Variants in CHIA observed in about 807,000 individuals in gnomAD.
CHIA encodes the protein chitinase acidic.
In CHIA, 47 loss-of-function variants were observed where a neutral mutation model predicts 53.5. That is an observed-to-expected ratio of 0.88 (90% CI 0.70 to 1.12). The LOEUF is 1.12. CHIA is among the 50% of genes most tolerant of loss of function. The pLI, the probability that CHIA is intolerant of heterozygous loss-of-function variation, is 0.00. For missense variants in CHIA, 652 were observed against 592.2 expected (o/e 1.10, Z -1.05); for synonymous variants, 268 against 222.2 (o/e 1.21, Z -1.83).
chr1:111,298,622 A>G (rs1647419152), intron 1 of CHIA, among the ~76,000 whole-genome samples: 2 of 152,346 alleles, frequency 1.3e-5, no homozygotes, highest in South Asian at 4.1e-4. Context: ...CTAAATGCCC[A>G]CAAGAGAAAG....
chr1:111,296,468 T>C (rs1466578318), intron 1 of CHIA, among the ~76,000 whole-genome samples: 2 of 152,188 alleles, frequency 1.3e-5, no homozygotes, highest in Non-Finnish European at 2.9e-5. Context: ...CCAACAGACC[T>C]GCAGCTGAGG....
chr1:111,309,717 A>G (rs763115275), intron 1 of CHIA, among the ~76,000 whole-genome samples: 9 of 152,248 alleles, frequency 5.9e-5, no homozygotes, highest in Non-Finnish European at 1.0e-4. Context: ...ATTTAAATAC[A>G]AAGTTCCAGA....
Position 111,319,308 on chromosome 1 carries a change from A to G in CHIA, c.1036-19A>G, listed in dbSNP as rs1030825897. On this transcript the variant is annotated intron_variant, in intron 10 of 11. Coordinates refer to ENST00000369740, the MANE Select transcript of CHIA (RefSeq NM_201653.4). Reference sequence around the variant, plus strand: ...CCCAGGAAAGCAAGTGATTCCTGTTATCCTCTTTCTTTAAACAGGCTCAAT... The same window carrying G: ...CCCAGGAAAGCAAGTGATTCCTGTTGTCCTCTTTCTTTAAACAGGCTCAAT... 20 of 1,614,062 alleles carry G rather than the reference A, an allele frequency of 1.2e-5. No individual in the cohort carries two copies. Among genetic ancestry groups the G allele is most frequent in the Non-Finnish European group, 1.6e-5 (19 of 1,180,018 alleles).
At chr1:111,309,477 T>G (rs1186638627) in intron 1 of CHIA, among the ~76,000 whole-genome samples, 1 of 152,088 alleles carries the variant, frequency 6.6e-6, no homozygotes, top group African/African-American at 2.4e-5. Context: ...GGAGAGAGCA[T>G]TAAGATAGAA....
rs762724976 is a variant in CHIA, at chr1:111,319,481, G to A, written c.1177+13G>A. On this transcript the variant is annotated intron_variant, in intron 11 of 11. Transcript: ENST00000369740. ...CTGCAGAGTGCAAGTAAGTGACTGA[G>A]GGGGAATGCCCAGGTGTATAAATAC... 8 of 1,612,792 alleles carry A rather than the reference G, an allele frequency of 5.0e-6. No individual in the cohort carries two copies. The South Asian group carries it at 7.7e-5, about 16-fold the overall frequency.
intron 2 of CHIA, among the ~76,000 whole-genome samples, chr1:111,310,976 T>G (rs986028584): frequency 2.0e-5 from 3 of 152,230 alleles, no homozygotes; most frequent in Non-Finnish European, 2.9e-5. Context: ...ATTATCCTAC[T>G]GAGTTGATGA....
chr1:111,318,359 A>T, intron 8 of CHIA, 134 bp from the exon 9 acceptor site: 1 of 902,266 alleles, frequency 1.1e-6, no homozygotes, highest in Non-Finnish European at 1.7e-6. Flanking sequence ...ACTTCACCAA[A>T]ATGTTTTGAA....
chr1:111,291,978 C>T (rs1264734511), intron 1 of CHIA, among the ~76,000 whole-genome samples: 4 of 151,858 alleles, frequency 2.6e-5, no homozygotes, highest in Middle Eastern at 3.2e-3. Flanking sequence ...ACATGTATCA[C>T]GGAACTTAAA....
intron 1 of CHIA, among the ~76,000 whole-genome samples, chr1:111,304,299 G>C (rs935023533): frequency 6.6e-6 from 1 of 152,044 alleles, no homozygotes; most frequent in Non-Finnish European, 1.5e-5. Flanking sequence ...GAAGTGTTAG[G>C]CCATTATCTT....
chr1:111,296,135 A>G (rs1211461252), intron 1 of CHIA, among the ~76,000 whole-genome samples: 1 of 152,254 alleles, frequency 6.6e-6, no homozygotes, highest in African/African-American at 2.4e-5. Context: ...GGGGCAGGGC[A>G]TAGCTGAACA....
rs373934707 is a variant in CHIA at position 111,307,661 on chromosome 1, G to A, written c.-68-2739G>A. On this transcript the variant is annotated intron_variant, in intron 1 of 11. Transcript: ENST00000369740. ...TTTACTTTTTTTTTTTTTTTCTTGAGATGGATTCTCGCTGTCGTCACCTGA... is the reference window on the plus strand; with the variant it reads ...TTTACTTTTTTTTTTTTTTTCTTGAAATGGATTCTCGCTGTCGTCACCTGA... 1.1e-3 allele frequency among the ~76,000 whole-genome samples: 157 copies of A among 149,482 alleles called. 4 individuals carry two copies. The South Asian group carries it at 0.032, about 31-fold the overall frequency.
chr1:111,293,899 G>A (rs181918380), intron 1 of CHIA, among the ~76,000 whole-genome samples: 198 of 152,214 alleles, frequency 1.3e-3, no homozygotes, highest in Middle Eastern at 3.4e-3. Flanking sequence ...GGGCAACATG[G>A]CAAAACCCTG....
chr1:111,299,391 C>T (rs888741774), intron 1 of CHIA, among the ~76,000 whole-genome samples: 3 of 152,136 alleles, frequency 2.0e-5, no homozygotes, highest in Non-Finnish European at 2.9e-5. Context: ...TTATCCACCA[C>T]GATCAAGTTG....
intron 9 of CHIA, 44 bp from the exon 10 acceptor site, chr1:111,319,076 T>C (rs1447357572): frequency 1.3e-6 from 2 of 1,576,290 alleles, no homozygotes; most frequent in Non-Finnish European, 1.7e-6. Context: ...TTTTCTTTAA[T>C]GGGAGTAACA....
At chr1:111,314,838 T>C (rs1447780480) in intron 5 of CHIA, 2 of 490,308 alleles carry the variant, frequency 4.1e-6, no homozygotes, top group African/African-American at 4.0e-5. Flanking sequence ...CTTACTGAGG[T>C]TCCCAAACAA....
intron 8 of CHIA, among the ~76,000 whole-genome samples, 162 bp downstream of exon 8, chr1:111,318,271 G>A (rs1325922619): frequency 6.6e-6 from 1 of 152,092 alleles, no homozygotes; most frequent in Admixed American, 6.5e-5. Flanking sequence ...CAGAGACTGG[G>A]ACACAAAGTA....
At chr1:111,301,410 A>G (rs1009982358) in intron 1 of CHIA, among the ~76,000 whole-genome samples, 1 of 152,066 alleles carries the variant, frequency 6.6e-6, no homozygotes, top group Non-Finnish European at 1.5e-5. Flanking sequence ...ATAAAAAAGG[A>G]TGAGTTGGGC....
rs972283710 is a variant in CHIA at position 111,319,231 on chromosome 1, G to A, written c.1027G>A (p.Asp343Asn). The A allele has an allele frequency of 5.0e-6, 8 of 1,614,168 alleles. No homozygotes were observed. Among genetic ancestry groups the A allele is most frequent in the Non-Finnish European group, 6.8e-6 (8 of 1,180,014 alleles). ...TGGCTATGACAACATCAAGAGCTTC[G>A]ATATTAAGGTAAGATCAGTCCCTTA... ...WVGYDNIKSF[D>N]IKAQWLKHNK... The change falls in exon 10 of 12, where the codon GAT (aspartate) becomes AAT (asparagine). Residue 343 changes from aspartate (D) to asparagine (N), a missense_variant. Coordinates refer to ENST00000369740, the MANE Select transcript of CHIA (RefSeq NM_201653.4).
At chr1:111,315,048 AAG>A (rs1649038301) in intron 5 of CHIA, 1 of 472,126 alleles carries the variant, frequency 2.1e-6, no homozygotes, top group Non-Finnish European at 3.7e-6. Flanking sequence ...ACTTGGGAGA[AAG>A]AGCAGAGTTG....
Sources: allele counts gnomAD v4.1 joint callset (sites outside exome capture counted in the v4.1 genomes callset), GRCh38; gene constraint gnomAD v4.1.1; transcripts MANE v1.5; gene names NCBI Gene and HGNC (gene_info 2026-07-23, HGNC 2026-07-21).